Variants in DLST observed in about 807,000 individuals in gnomAD.
DLST encodes the protein dihydrolipoamide S-succinyltransferase.
Under a neutral mutation model 53.1 loss-of-function variants are expected in DLST, and 17 were observed. That is an observed-to-expected ratio of 0.32 (90% CI 0.22 to 0.48). DLST has a LOEUF of 0.48. DLST is among the 20% of genes least tolerant of loss of function. The pLI, the probability that DLST is intolerant of heterozygous loss-of-function variation, is 0.99. For missense variants in DLST, 512 were observed against 583.9 expected, an observed-to-expected ratio of 0.88 and a Z score of 1.27; for synonymous variants, 206 against 204.8, an observed-to-expected ratio of 1.01 and a Z score of -0.05.
chr14:74,887,539 T>C (rs1266584364), intron 3 of DLST, among the ~76,000 whole-genome samples: 1 of 152,266 alleles, frequency 6.6e-6, no homozygotes, highest in Non-Finnish European at 1.5e-5. Flanking sequence ...AATAAATCTT[T>C]TATTGTAAAA....
At position 74,894,376 on chromosome 14, in the gene DLST, C is replaced by T; in HGVS notation, c.737C>T (p.Ala246Val). The T allele has an allele frequency of 6.2e-7, 1 of 1,614,142 alleles. No homozygotes were observed. Among genetic ancestry groups the T allele is most frequent in the Non-Finnish European group, 8.5e-7 (1 of 1,180,006 alleles). Reference sequence around the variant, plus strand: ...CTGAAGGAGGCCCAGAATACATGTGCAATGCTGACAACTTTTAATGAGATT... The same window carrying T: ...CTGAAGGAGGCCCAGAATACATGTGTAATGCTGACAACTTTTAATGAGATT... ...QRLKEAQNTC[A>V]MLTTFNEIDM... Residue 246 changes from alanine (A) to valine (V), a missense_variant, in exon 10 of 15, where the codon GCA (alanine) becomes GTA (valine). This residue lies in a region of DLST where 162 missense variants were observed against 162.0 expected (regional missense o/e 1.00). Transcript: ENST00000334220.
chr14:74,902,106 G>A (rs1025687683), intron 14 of DLST, 90 bp from the exon 15 acceptor site: 2 of 1,343,408 alleles, frequency 1.5e-6, no homozygotes, highest in African/African-American at 2.9e-5. Flanking sequence ...TCTGGAATTA[G>A]GAACTTTCTT....
intron 3 of DLST, 37 bp from the exon 4 acceptor site, chr14:74,889,058 G>A (rs1399749732): frequency 1.9e-6 from 3 of 1,541,724 alleles, no homozygotes; most frequent in Non-Finnish European, 2.6e-6. Context: ...TGAGTGGTTC[G>A]CCTGTTAAAA....
At chr14:74,902,067 T>C (rs149083476) in intron 14 of DLST, 129 bp from the exon 15 acceptor site, 2 of 1,006,964 alleles carry the variant, frequency 2.0e-6, no homozygotes, top group East Asian at 5.8e-5. Context: ...ATACTGTAAA[T>C]ATGCAGAGGC....
In DLST at chr14:74,898,525, A is replaced by G. The variant is rs774681916; in HGVS notation, c.901+26A>G. On this transcript the variant is annotated intron_variant, in intron 11 of 14. Transcript: ENST00000334220. The stretch of plus-strand genomic sequence containing the variant: ...GTGAGTTGCTTGTGGCTGGAATTGG[A>G]GAGGTCCTGGGAGGTAGGTGTATGA... 3 of 1,613,028 alleles carry G rather than the reference A, an allele frequency of 1.9e-6. No individual in the cohort carries two copies. In the South Asian group the frequency reaches 3.3e-5, roughly 18 times the overall value.
chr14:74,885,856 C>A (rs1400142843), intron 3 of DLST: 4 of 481,192 alleles, frequency 8.3e-6, no homozygotes, highest in African/African-American at 2.0e-5. Context: ...GCCCACTCTC[C>A]ACAGGTGTTT....
chr14:74,882,675 A>C, intron 2 of DLST, 51 bp downstream of exon 2: 1 of 1,578,320 alleles, frequency 6.3e-7, no homozygotes, highest in Non-Finnish European at 8.7e-7. Context: ...TGGGCAGAGC[A>C]GTATGTGAGG....
chr14:74,902,144 AGGCTGGCTGTG>A, intron 14 of DLST, 41 bp from the exon 15 acceptor site: 1 of 1,479,760 alleles, frequency 6.8e-7, no homozygotes, highest in East Asian at 2.5e-5. Context: ...TCCTTCAGCG[AGGCTGGCTGTG>A]GCTTGCTGGA....
intron 2 of DLST, among the ~76,000 whole-genome samples, chr14:74,885,071 C>G: frequency 3.3e-5 from 5 of 152,198 alleles, no homozygotes; most frequent in Admixed American, 3.3e-4. Context: ...CTGGAGACCC[C>G]GAGCCTAAAG....
In DLST at chr14:74,882,009, T is replaced by G. The variant is rs1435837613; in HGVS notation, c.56T>G (p.Phe19Cys). The G allele has an allele frequency of 3.2e-6, 5 of 1,570,886 alleles. No individual in the cohort carries two copies. In the African/African-American group the frequency reaches 6.8e-5, roughly 21 times the overall value. The change falls in exon 1 of 15, where the codon TTC becomes TGC. Residue 19 changes from phenylalanine to cysteine, a missense_variant. Coordinates refer to ENST00000334220, the MANE Select transcript of DLST (RefSeq NM_001933.5). ...GCGTTCAGCCGCTCGCTCTCCGCCTTCCAGAAGGTACGGTCTGGCCGAGCC... is the reference window on the plus strand; with the variant it reads ...GCGTTCAGCCGCTCGCTCTCCGCCTGCCAGAAGGTACGGTCTGGCCGAGCC... ...SRAFSRSLSA[F>C]QKGNCPLGRR...
At chr14:74,900,490 G>A in intron 13 of DLST, 118 bp downstream of exon 13, 1 of 845,640 alleles carries the variant, frequency 1.2e-6, no homozygotes, top group South Asian at 1.5e-5. Context: ...CCTGAGAAAA[G>A]CAGTTGCCCA....
intron 2 of DLST, 34 bp downstream of exon 2, chr14:74,882,658 C>G (rs1298265703): frequency 1.9e-6 from 3 of 1,609,928 alleles, no homozygotes; most frequent in South Asian, 2.2e-5. Context: ...CTAAAATGCT[C>G]TCCTCCTGGG....
intron 1 of DLST, 45 bp from the exon 2 acceptor site, chr14:74,882,546 T>G: frequency 6.2e-7 from 1 of 1,609,348 alleles, no homozygotes; most frequent in South Asian, 1.1e-5. Flanking sequence ...AGCTGGGTTT[T>G]TTTTTCATCT....
intron 4 of DLST, 25 bp downstream of exon 4, chr14:74,889,172 G>A (rs1341120927): frequency 6.2e-7 from 1 of 1,613,288 alleles, no homozygotes; most frequent in Non-Finnish European, 8.5e-7. Flanking sequence ...TCTTGGGAAT[G>A]GAATTTTATG....
intron 5 of DLST, 113 bp from the exon 6 acceptor site, chr14:74,889,784 T>C: frequency 1.0e-6 from 1 of 977,122 alleles, no homozygotes; most frequent in Non-Finnish European, 1.6e-6. Flanking sequence ...ATATGTACTT[T>C]CTGCTGGCCC....
chr14:74,890,336 T>G (rs1451308330), intron 6 of DLST, among the ~76,000 whole-genome samples: 1 of 152,126 alleles, frequency 6.6e-6, no homozygotes, highest in Non-Finnish European at 1.5e-5. Flanking sequence ...CAGGCTGGTC[T>G]CAAACTCTTG....
In DLST at chr14:74,900,372, G is replaced by A; in HGVS notation, c.1059G>A (p.Lys353=). The change falls in exon 13 of 15, where the codon AAG becomes AAA. Residue 353 remains lysine, a splice_region_variant and synonymous_variant. Transcript: ENST00000334220. Reference sequence around the variant, plus strand: ...GGACCATCACTGAACTGGGAGAGAAGGTAAAGTAGAAAGATGTATACAAGC... The same window carrying A: ...GGACCATCACTGAACTGGGAGAGAAAGTAAAGTAGAAAGATGTATACAAGC... The part of the protein sequence containing the change: ...IERTITELGE[K]ARKNELAIED... 6.2e-7 allele frequency: 1 copy of A among 1,613,508 alleles called. No individual in the cohort carries two copies. Among genetic ancestry groups the A allele is most frequent in the African/African-American group, 1.3e-5 (1 of 75,052 alleles).
rs753093488 is a variant in DLST, at chr14:74,899,920, T to C, written c.902-3T>C. ...TATGTAACATGTATTTTCTCTCTCATAGTGATTGACGACACAACCAAAGAG... is the reference window on the plus strand; with the variant it reads ...TATGTAACATGTATTTTCTCTCTCACAGTGATTGACGACACAACCAAAGAG... On this transcript the variant is annotated splice_polypyrimidine_tract_variant and splice_region_variant and intron_variant, in intron 11 of 14. Transcript: ENST00000334220. 55 of 1,611,242 alleles carry C rather than the reference T, an allele frequency of 3.4e-5. No homozygotes were observed. The Middle Eastern group carries it at 5.0e-4, about 15-fold the overall frequency.
Position 74,900,308 on chromosome 14 carries a change from T to C in DLST, c.995T>C (p.Ile332Thr). The C allele has an allele frequency of 6.2e-7, 1 of 1,613,988 alleles. No individual in the cohort carries two copies. Among genetic ancestry groups the C allele is most frequent in the Non-Finnish European group, 8.5e-7 (1 of 1,179,912 alleles). ...CTTCAGGGTCTGGTGGTTCCAGTCA[T>C]CAGGAATGTGGAAGCTATGAATTTT... ...ATPRGLVVPV[I>T]RNVEAMNFAD... The change falls in exon 13 of 15, where the codon ATC becomes ACC. Residue 332 changes from isoleucine to threonine, a missense_variant. Transcript: ENST00000334220.
Sources: allele counts gnomAD v4.1 joint callset (sites outside exome capture counted in the v4.1 genomes callset), GRCh38; gene constraint gnomAD v4.1.1; regional missense constraint gnomAD v4.1.1; transcripts MANE v1.5; gene names NCBI Gene and HGNC (gene_info 2026-07-23, HGNC 2026-07-21).